Variants in DAB1 observed in about 807,000 individuals in gnomAD.
DAB1 encodes DAB adaptor protein 1, also known as disabled homolog 1.
Under a neutral mutation model 64.6 loss-of-function variants are expected in DAB1, and 15 were observed. The observed-to-expected ratio is 0.23, with a 90% confidence interval of 0.16 to 0.36. DAB1 has a LOEUF of 0.36. Ranked by LOEUF, DAB1 falls within the 10% of genes least tolerant of loss-of-function variation. The probability of loss-of-function intolerance (pLI) is 1.00; values close to 1 mark genes in which losing one functional copy is unlikely to be tolerated. For synonymous variants in DAB1, 235 were observed against 251.9 expected, an observed-to-expected ratio of 0.93 and a Z score of 0.64; for missense variants, 596 against 706.7, an observed-to-expected ratio of 0.84 and a Z score of 1.78.
intron 5 of DAB1, among the ~76,000 whole-genome samples, chr1:57,902,191 G>A (rs2749274): frequency 0.18 from 26,504 of 150,000 alleles, 2,726 homozygotes; most frequent in Admixed American, 0.28. Flanking sequence ...CTATTGAAAA[G>A]TATTGAAAAG....
intron 5 of DAB1, among the ~76,000 whole-genome samples, chr1:57,985,201 C>A (rs1423919075): frequency 1.3e-5 from 2 of 152,098 alleles, no homozygotes; most frequent in East Asian, 1.9e-4. Context: ...AGCCACCACA[C>A]CCGGCCTGCT....
At chr1:57,508,134 C>G (rs952844062) in intron 7 of DAB1, among the ~76,000 whole-genome samples, 4 of 152,126 alleles carry the variant, frequency 2.6e-5, no homozygotes, top group Admixed American at 2.6e-4. Context: ...CCTCACATCC[C>G]GGGGGTAACC....
intron 3 of DAB1, among the ~76,000 whole-genome samples, chr1:58,348,946 T>C (rs988937900): frequency 6.6e-6 from 1 of 152,280 alleles, no homozygotes; most frequent in East Asian, 1.9e-4. Flanking sequence ...GGGCTGACTG[T>C]AGTCCATCTG....
intron 3 of DAB1, among the ~76,000 whole-genome samples, chr1:58,497,585 T>C (rs545232817): frequency 3.3e-5 from 5 of 150,378 alleles, no homozygotes; most frequent in African/African-American, 9.9e-5. Flanking sequence ...TTTTGGGCAA[T>C]AGCAGACATA....
intron 7 of DAB1, among the ~76,000 whole-genome samples, chr1:57,545,323 T>C (rs1644844630): frequency 1.3e-5 from 2 of 152,204 alleles, no homozygotes. Flanking sequence ...ACTATCTACC[T>C]CCCACAATAT....
intron 1 of DAB1, among the ~76,000 whole-genome samples, chr1:57,370,701 T>G (rs2100933384): frequency 6.6e-6 from 1 of 152,190 alleles, no homozygotes; most frequent in South Asian, 2.1e-4. Flanking sequence ...AAGGTTAAAC[T>G]AGGGCAAATT....
chr1:57,282,492 G>A (rs1671995251), intron 2 of DAB1, among the ~76,000 whole-genome samples: 1 of 152,110 alleles, frequency 6.6e-6, no homozygotes, highest in African/African-American at 2.4e-5. Flanking sequence ...TTTGGAGAAA[G>A]CCTGACTTCT....
chr1:58,283,605 G>A lies in DAB1; in HGVS notation n.309+59747C>T, dbSNP rs139620141. On this transcript the variant is annotated intron_variant and non_coding_transcript_variant, in intron 4 of 20. Coordinates refer to the DAB1 transcript ENST00000485760. ...CATAAGTGACTGTGCAAACTTGCGC[G>A]AGTCACTTTGTCTCTGAGCATCAGT... Among the ~76,000 whole-genome samples the A allele has an allele frequency of 4.8e-3, 724 of 152,268 alleles. 3 individuals are homozygous for A. Among genetic ancestry groups the A allele is most frequent in the African/African-American group, 0.016 (679 of 41,544 alleles).
intron 1 of DAB1, among the ~76,000 whole-genome samples, chr1:57,859,713 T>C (rs1653920903): frequency 6.6e-6 from 1 of 152,208 alleles, no homozygotes; most frequent in South Asian, 2.1e-4. Flanking sequence ...TAATGGGCTC[T>C]CTTGGTATCT....
chr1:57,239,343 T>C (rs545522772), intron 2 of DAB1, among the ~76,000 whole-genome samples: 3 of 152,318 alleles, frequency 2.0e-5, no homozygotes, highest in East Asian at 1.9e-4. Context: ...ATCATGTCAT[T>C]AATTTGTTTT....
At chr1:58,174,859 T>G (rs1656378332) in intron 4 of DAB1, among the ~76,000 whole-genome samples, 1 of 152,092 alleles carries the variant, frequency 6.6e-6, no homozygotes, top group African/African-American at 2.4e-5. Context: ...AATGCACCAA[T>G]CAGTGCTCTG....
At chr1:57,013,964 AGAG>A (rs1646343153) in intron 12 of DAB1, among the ~76,000 whole-genome samples, 2 of 152,226 alleles carry the variant, frequency 1.3e-5, no homozygotes, top group Non-Finnish European at 2.9e-5. Context: ...ACTGAGTCTC[AGAG>A]AAGTCATACG....
chr1:57,207,313 C>T (rs929070205), intron 2 of DAB1, among the ~76,000 whole-genome samples: 1 of 151,678 alleles, frequency 6.6e-6, no homozygotes, highest in Non-Finnish European at 1.5e-5. Context: ...CTCCAGATAT[C>T]GTGAAAATGT....
chr1:58,068,147 A>G (rs1421175873), intron 5 of DAB1, among the ~76,000 whole-genome samples: 1 of 152,218 alleles, frequency 6.6e-6, no homozygotes, highest in East Asian at 1.9e-4. Flanking sequence ...CGTGAAGAGC[A>G]CTAGTGCAGA....
chr1:58,143,820 C>G (rs1194317116), intron 5 of DAB1, among the ~76,000 whole-genome samples: 1 of 152,178 alleles, frequency 6.6e-6, no homozygotes, highest in African/African-American at 2.4e-5. Flanking sequence ...AGATTACAGT[C>G]CCCTCACCCA....
intron 4 of DAB1, among the ~76,000 whole-genome samples, chr1:58,246,637 T>C (rs1480678424): frequency 6.6e-6 from 1 of 151,862 alleles, no homozygotes; most frequent in African/African-American, 2.4e-5. Flanking sequence ...TGTGCATGTG[T>C]GAGTATGGTA....
chr1:57,853,960 C>A (rs1180513625), intron 1 of DAB1, among the ~76,000 whole-genome samples: 2 of 152,292 alleles, frequency 1.3e-5, no homozygotes, highest in Non-Finnish European at 2.9e-5. Flanking sequence ...TATTACACAT[C>A]TATTCATTCA....
chr1:58,520,890 C>T lies in DAB1; in HGVS notation n.107+6371G>A, dbSNP rs569009756. Among the ~76,000 whole-genome samples the T allele has an allele frequency of 3.3e-5, 5 of 151,270 alleles. No individual in the cohort carries two copies. In the East Asian group the frequency reaches 9.7e-4, roughly 29 times the overall value. On this transcript the variant is annotated intron_variant and non_coding_transcript_variant, in intron 2 of 20. Transcript: ENST00000485760. ...ATTACCAAACCTCTCTTGATAACTA[C>T]AAAAAAAAGGAAAAAAAATCAGCAA...
At chr1:57,334,879 G>T (rs1676956223) in intron 1 of DAB1, among the ~76,000 whole-genome samples, 1 of 152,158 alleles carries the variant, frequency 6.6e-6, no homozygotes, top group South Asian at 2.1e-4. Context: ...CCTAGAGAAA[G>T]TTAAAGAACA....
Sources: gnomAD v4.1 joint callset for allele counts (sites outside exome capture counted in the v4.1 genomes callset) on GRCh38, gnomAD v4.1.1 for gene constraint, MANE v1.5 for transcripts, NCBI Gene and HGNC (gene_info 2026-07-23, HGNC 2026-07-21) for gene names.